KCTD16: variants seen among roughly 807,000 people sequenced by gnomAD.
KCTD16 encodes BTB/POZ domain-containing protein KCTD16.
Under a neutral mutation model 33.2 loss-of-function variants are expected in KCTD16, and 13 were observed. The observed-to-expected ratio is 0.39, with a 90% CI of 0.25 to 0.62. The LOEUF is 0.62. Among genes scored for constraint, KCTD16 ranks in the 20% least tolerant of loss-of-function variants. KCTD16 has a pLI of 0.50. For missense variants in KCTD16, 441 were observed against 525.1 expected, an observed-to-expected ratio of 0.84 and a Z score of 1.57; for synonymous variants, 197 against 195.3, an observed-to-expected ratio of 1.01 and a Z score of -0.07.
intron 3 of KCTD16, among the ~76,000 whole-genome samples, chr5:144,413,937 G>A (rs985176351): frequency 1.3e-5 from 2 of 152,162 alleles, no homozygotes; most frequent in African/African-American, 2.4e-5. Context: ...CTTTTTCTCT[G>A]TGGATTGCAG....
At chr5:144,298,320 C>G (rs1195636554) in intron 3 of KCTD16, among the ~76,000 whole-genome samples, 1 of 152,178 alleles carries the variant, frequency 6.6e-6, no homozygotes. Flanking sequence ...CTCGGTAACA[C>G]CAGCATACTT....
chr5:144,188,774 A>G (rs1444008595), intron 2 of KCTD16, among the ~76,000 whole-genome samples: 1 of 152,204 alleles, frequency 6.6e-6, no homozygotes, highest in African/African-American at 2.4e-5. Context: ...GTCAGCTTGA[A>G]AACACCAAAT....
intron 3 of KCTD16, among the ~76,000 whole-genome samples, chr5:144,420,164 T>A (rs541587531): frequency 6.6e-6 from 1 of 152,112 alleles, no homozygotes; most frequent in African/African-American, 2.4e-5. Context: ...CAGCGTTATT[T>A]TTGGCCAGAT....
chr5:144,432,785 CT>C (rs1315331313), intron 3 of KCTD16, among the ~76,000 whole-genome samples: 5 of 152,036 alleles, frequency 3.3e-5, no homozygotes, highest in Admixed American at 2.0e-4. Context: ...CCTAGACTTT[CT>C]TTTTTATTTA....
rs539172006 is a variant in KCTD16 at position 144,307,287 on chromosome 5, C to T, written c.832+99741C>T. 3.3e-5 allele frequency among the ~76,000 whole-genome samples: 5 copies of T among 152,254 alleles called. No homozygotes were observed. The East Asian group carries it at 9.7e-4, about 29-fold the overall frequency. ...TAATTCCTTCTCCTTGAGTTATCAT[C>T]GTATAGTCTTTGTAACTCCATTAGA... On this transcript the variant is annotated intron_variant, in intron 3 of 3. Coordinates refer to ENST00000512467, the MANE Select transcript of KCTD16 (RefSeq NM_020768.4).
intron 3 of KCTD16, among the ~76,000 whole-genome samples, chr5:144,418,195 C>T (rs1753122229): frequency 6.6e-6 from 1 of 152,146 alleles, no homozygotes; most frequent in Admixed American, 6.5e-5. Flanking sequence ...AAAGGTAGTG[C>T]AGACCCAAAG....
intron 3 of KCTD16, among the ~76,000 whole-genome samples, chr5:144,417,423 G>C (rs940157333): frequency 8.6e-5 from 13 of 152,002 alleles, no homozygotes; most frequent in African/African-American, 3.1e-4. Context: ...ATTTTCTTTG[G>C]AGAAATGTCT....
intron 3 of KCTD16, among the ~76,000 whole-genome samples, chr5:144,239,611 A>G (rs190665662): frequency 6.6e-6 from 1 of 152,260 alleles, no homozygotes. Flanking sequence ...AACACATAAA[A>G]TATCATAGTT....
At chr5:144,308,400 G>A (rs894771106) in intron 3 of KCTD16, among the ~76,000 whole-genome samples, 30 of 152,340 alleles carry the variant, frequency 2.0e-4, no homozygotes, top group African/African-American at 7.0e-4. Flanking sequence ...GGCTCAGTGG[G>A]CAGATTCTAA....
intron 3 of KCTD16, among the ~76,000 whole-genome samples, chr5:144,259,257 C>CAAAAAA (rs1166248798): frequency 4.1e-5 from 2 of 48,416 alleles, no homozygotes; most frequent in African/African-American, 7.3e-5. Flanking sequence ...GACTCCATCT[C>CAAAAAA]AAAAAAAAAA....
intron 3 of KCTD16, among the ~76,000 whole-genome samples, chr5:144,334,686 G>T (rs1752437942): frequency 6.6e-6 from 1 of 152,170 alleles, no homozygotes; most frequent in African/African-American, 2.4e-5. Flanking sequence ...AGAAAGGTCA[G>T]CTAACTTACC....
intron 2 of KCTD16, chr5:144,205,859 T>C: frequency 3.3e-6 from 1 of 303,184 alleles, no homozygotes. Context: ...TTTATATAAA[T>C]GCATATATAT....
At chr5:144,325,495 C>G (rs564708913) in intron 3 of KCTD16, among the ~76,000 whole-genome samples, 1 of 152,136 alleles carries the variant, frequency 6.6e-6, no homozygotes, top group Admixed American at 6.6e-5. Flanking sequence ...CTTGCCCTCT[C>G]CCCCTCCCCT....
rs1213446478 is a variant in KCTD16, at chr5:144,202,283, A to G, written c.-326-4106A>G. 2.6e-5 allele frequency among the ~76,000 whole-genome samples: 4 copies of G among 152,222 alleles called. No individual in the cohort carries two copies. In the East Asian group the frequency reaches 7.7e-4, roughly 29 times the overall value. ...TTGCTGACACGAAGGCTAGGAATAC[A>G]CTTACAGCCTAGACTTGGCTTCTTG... is the stretch of plus-strand genomic sequence containing the variant. On this transcript the variant is annotated intron_variant, in intron 2 of 3. Coordinates refer to ENST00000512467, the MANE Select transcript of KCTD16 (RefSeq NM_020768.4).
rs1752756491 is a variant in KCTD16, at chr5:144,187,630, A to G, written c.-327+13158A>G. Among the ~76,000 whole-genome samples, 4 of 152,340 alleles carry G rather than the reference A, an allele frequency of 2.6e-5. No individual in the cohort carries two copies. In the South Asian group the frequency reaches 8.3e-4, roughly 32 times the overall value. On this transcript the variant is annotated intron_variant, in intron 2 of 3. Coordinates refer to ENST00000512467, the MANE Select transcript of KCTD16 (RefSeq NM_020768.4). Reference sequence around the variant, plus strand: ...GAATCATTAATGACTTGAGGCTGGCAGTAGGTAGACTTCTTAATTGCTTAA... The same window carrying G: ...GAATCATTAATGACTTGAGGCTGGCGGTAGGTAGACTTCTTAATTGCTTAA...
rs1754594950 is a variant in KCTD16 at position 144,476,402 on chromosome 5, C to A, written c.*2288C>A. The A allele has an allele frequency of 6.6e-6, 1 of 152,182 alleles. No individual in the cohort carries two copies. Among genetic ancestry groups the A allele is most frequent in the East Asian group, 1.9e-4 (1 of 5,188 alleles). The allele number at this position is 152,182 out of a possible 1,614,324, so 9.4% of individuals were successfully genotyped here. On this transcript the variant is annotated 3_prime_UTR_variant, in exon 4 of 4. Transcript: ENST00000512467. ...GTCAACCCAATATTTCTACTACATT[C>A]TTTAAACAGGAAATTAAACACTGCA...
chr5:144,332,909 C>T (rs1752394593), intron 3 of KCTD16, among the ~76,000 whole-genome samples: 1 of 152,170 alleles, frequency 6.6e-6, no homozygotes, highest in Non-Finnish European at 1.5e-5. Flanking sequence ...AGGAGAAAGA[C>T]ATGTTTTGCA....
chr5:144,227,392 G>A (rs1310602893), intron 3 of KCTD16, among the ~76,000 whole-genome samples: 3 of 152,178 alleles, frequency 2.0e-5, no homozygotes, highest in Admixed American at 2.0e-4. Context: ...GAAGGGTAGT[G>A]TAGCTGGAAC....
chr5:144,183,156 T>C (rs1226620297), intron 2 of KCTD16, among the ~76,000 whole-genome samples: 1 of 152,236 alleles, frequency 6.6e-6, no homozygotes, highest in Middle Eastern at 3.2e-3. Context: ...TACTTCAGTA[T>C]TGAATCTACT....
Sources: allele counts gnomAD v4.1 joint callset (sites outside exome capture counted in the v4.1 genomes callset), GRCh38; gene constraint gnomAD v4.1.1; transcripts MANE v1.5; gene names NCBI Gene and HGNC (gene_info 2026-07-23, HGNC 2026-07-21).